Variants in CPNE8 observed in about 807,000 individuals in gnomAD.
The protein encoded by CPNE8 is copine 8.
CPNE8 carries 45 observed loss-of-function variants against 81.5 expected under a neutral mutation model. The observed-to-expected ratio is 0.55, with a 90% CI of 0.44 to 0.71. The LOEUF (loss-of-function observed/expected upper bound fraction) is 0.71, where lower values mean the gene tolerates loss of function less well. Among genes scored for constraint, CPNE8 ranks in the 30% least tolerant of loss-of-function variants. CPNE8 has a pLI of 0.00. For synonymous variants in CPNE8, 252 were observed against 226.3 expected (o/e 1.11, Z -1.02); for missense variants, 594 against 672.1 (o/e 0.88, Z 1.28).
At chr12:38,797,044 A>G (rs954455384) in intron 6 of CPNE8, among the ~76,000 whole-genome samples, 2 of 152,178 alleles carry the variant, frequency 1.3e-5, no homozygotes, top group Non-Finnish European at 1.5e-5. Context: ...AGCAGCCGGG[A>G]AGCTCGAACT....
intron 8 of CPNE8, among the ~76,000 whole-genome samples, chr12:38,762,676 A>C (rs1941596577): frequency 6.6e-6 from 1 of 152,302 alleles, no homozygotes; most frequent in African/African-American, 2.4e-5. Flanking sequence ...GAAAAAAGTT[A>C]GGCTAATTTA....
intron 3 of CPNE8, among the ~76,000 whole-genome samples, chr12:38,861,548 T>C (rs1041981648): frequency 2.0e-5 from 3 of 152,088 alleles, no homozygotes; most frequent in African/African-American, 7.2e-5. Flanking sequence ...GTACTTAATA[T>C]TATTTAAAAA....
At chr12:38,686,325 C>A (rs1939534496) in intron 15 of CPNE8, among the ~76,000 whole-genome samples, 1 of 152,072 alleles carries the variant, frequency 6.6e-6, no homozygotes, top group African/African-American at 2.4e-5. Flanking sequence ...TGTTAAGAAG[C>A]TCTTATTCTG....
chr12:38,677,388 GTCTC>G (rs1939313106), intron 17 of CPNE8, 60 bp downstream of exon 17: 1 of 863,404 alleles, frequency 1.2e-6, no homozygotes, highest in African/African-American at 1.7e-5. Context: ...ATAGACTCTA[GTCTC>G]TCTCTAAGTA....
intron 6 of CPNE8, among the ~76,000 whole-genome samples, chr12:38,807,671 C>T (rs1356787159): frequency 1.3e-5 from 2 of 151,262 alleles, no homozygotes; most frequent in South Asian, 2.1e-4. Context: ...CTAGGCATTA[C>T]TATTCAGGAC....
At chr12:38,791,140 G>A (rs756280642) in intron 6 of CPNE8, among the ~76,000 whole-genome samples, 1 of 151,596 alleles carries the variant, frequency 6.6e-6, no homozygotes, top group Non-Finnish European at 1.5e-5. Context: ...TAAATAAGAT[G>A]TAACTGCCTT....
intron 6 of CPNE8, among the ~76,000 whole-genome samples, chr12:38,792,910 G>A (rs1942359220): frequency 1.3e-5 from 2 of 151,862 alleles, no homozygotes; most frequent in Middle Eastern, 6.8e-3. Flanking sequence ...TTATGTTTGG[G>A]ATACAAGGAT....
chr12:38,775,277 T>C (rs530176127), intron 7 of CPNE8, among the ~76,000 whole-genome samples: 2 of 152,278 alleles, frequency 1.3e-5, no homozygotes, highest in South Asian at 4.1e-4. Flanking sequence ...TGAGCCACCA[T>C]GTCCCACCAG....
chr12:38,767,617 CA>C lies in CPNE8; in HGVS notation c.575+17del, dbSNP rs756791079. 13 of 1,412,644 alleles carry C rather than the reference CA, an allele frequency of 9.2e-6. No individual in the cohort carries two copies. The highest frequency in any genetic ancestry group is 1.3e-5 in the Non-Finnish European group (13 of 1,038,414). 87.5% of individuals were successfully genotyped at this position (1,412,644 alleles called of 1,614,324 possible). On this transcript the variant is annotated intron_variant, in intron 8 of 19. Coordinates refer to ENST00000331366, the MANE Select transcript of CPNE8 (RefSeq NM_153634.3). ...TCATCATTACCATATAGTTGAAATG[CA>C]TAAAAGATAAATCTACCTGCCATCT...
At chr12:38,728,613 AAC>A (rs1446524412) in intron 11 of CPNE8, among the ~76,000 whole-genome samples, 1 of 152,168 alleles carries the variant, frequency 6.6e-6, no homozygotes, top group Non-Finnish European at 1.5e-5. Context: ...AGCCTAAGAG[AAC>A]CATGGGACAC....
intron 6 of CPNE8, among the ~76,000 whole-genome samples, chr12:38,782,982 C>G (rs546210642): frequency 5.6e-4 from 85 of 152,222 alleles, no homozygotes; most frequent in African/African-American, 1.9e-3. Flanking sequence ...ACCTTGACTA[C>G]TCTCGCAACT....
intron 11 of CPNE8, among the ~76,000 whole-genome samples, chr12:38,728,775 A>G (rs1652167844): frequency 6.6e-6 from 1 of 152,172 alleles, no homozygotes; most frequent in East Asian, 1.9e-4. Context: ...TGCAGATAAT[A>G]AAGTTTGTAA....
intron 6 of CPNE8, among the ~76,000 whole-genome samples, chr12:38,809,972 C>A (rs939623230): frequency 1.3e-5 from 2 of 152,098 alleles, no homozygotes; most frequent in Admixed American, 6.6e-5. Flanking sequence ...TTTTGAAATC[C>A]AGCTGAGCAA....
chr12:38,787,754 G>A (rs1016199660), intron 6 of CPNE8, among the ~76,000 whole-genome samples: 3 of 151,316 alleles, frequency 2.0e-5, no homozygotes, highest in African/African-American at 7.3e-5. Flanking sequence ...AGAGATGAAA[G>A]ACAAGACATT....
intron 8 of CPNE8, among the ~76,000 whole-genome samples, chr12:38,767,383 A>C (rs771174275): frequency 1.3e-5 from 2 of 152,084 alleles, no homozygotes; most frequent in Non-Finnish European, 2.9e-5. Flanking sequence ...TATTAACTCA[A>C]TGTTATAATT....
At chr12:38,833,680 G>A (rs573417078) in intron 5 of CPNE8, among the ~76,000 whole-genome samples, 44 of 151,852 alleles carry the variant, frequency 2.9e-4, no homozygotes, top group African/African-American at 9.4e-4. Flanking sequence ...GGGTTTCACC[G>A]TGTTAGCCAG....
At chr12:38,852,384 G>A (rs963334542) in intron 3 of CPNE8, among the ~76,000 whole-genome samples, 8 of 144,644 alleles carry the variant, frequency 5.5e-5, no homozygotes, top group South Asian at 2.2e-4. Flanking sequence ...AGCCAAGATC[G>A]CGCCACTGCA....
chr12:38,682,040 C>A (rs867357233), intron 16 of CPNE8, among the ~76,000 whole-genome samples: 1 of 151,320 alleles, frequency 6.6e-6, no homozygotes, highest in Admixed American at 6.6e-5. Flanking sequence ...GCCAACAAGG[C>A]GAAACCCCGT....
intron 6 of CPNE8, among the ~76,000 whole-genome samples, chr12:38,798,568 C>T (rs1317021266): frequency 1.3e-5 from 2 of 152,030 alleles, no homozygotes; most frequent in African/African-American, 4.8e-5. Flanking sequence ...ATGGAAAGAA[C>T]AACCGGTACC....
Sources: gnomAD v4.1 joint callset for allele counts (sites outside exome capture counted in the v4.1 genomes callset) on GRCh38, gnomAD v4.1.1 for gene constraint, MANE v1.5 for transcripts, NCBI Gene and HGNC (gene_info 2026-07-23, HGNC 2026-07-21) for gene names.